PDZD7: variants seen among roughly 807,000 people sequenced by gnomAD.
PDZD7 encodes PDZ domain containing 7, also known as PDZ domain-containing protein 7.
Under a neutral mutation model 84.7 loss-of-function variants are expected in PDZD7, and 72 were observed. The ratio of observed to expected loss-of-function variants is 0.85; its 90% CI spans 0.70 to 1.03. The LOEUF is 1.03. Among genes scored for constraint, PDZD7 ranks in the 50% least tolerant of loss-of-function variants. The pLI is 0.00. For missense variants in PDZD7, 1,490 were observed against 1,412.9 expected (o/e 1.05, Z -0.87); for synonymous variants, 594 against 580.7 (o/e 1.02, Z -0.33).
chr10:101,015,687 C>T lies in PDZD7; in HGVS notation c.1698G>A (p.Gln566=). 2 of 1,550,482 alleles carry T rather than the reference C, an allele frequency of 1.3e-6. No individual in the cohort carries two copies. Among genetic ancestry groups the T allele is most frequent in the Non-Finnish European group, 1.7e-6 (2 of 1,146,970 alleles). Residue 566 remains glutamine (Q), a synonymous_variant, in exon 11 of 17, where the codon CAG becomes CAA. Coordinates refer to ENST00000619208, the MANE Select transcript of PDZD7 (RefSeq NM_001195263.2). ...SRRPLIQDLA[Q]RLLTDDEVLA... ...GCACCTCGTCATCAGTCAGCAGCCT[C>T]TGGGCCAGGTCCTGAATGAGGGGCC... is the stretch of plus-strand genomic sequence containing the variant.
In PDZD7 at chr10:101,010,801, C is replaced by T; in HGVS notation, c.2088G>A (p.Gly696=). Residue 696 remains glycine, a synonymous_variant, in exon 15 of 17, where the codon GGG becomes GGA. Coordinates refer to ENST00000619208, the MANE Select transcript of PDZD7 (RefSeq NM_001195263.2). The part of the protein sequence containing the change: ...EDNGELRERL[G]ALKVSPSASA... ...AGGCACTTGGGGAGACCTTGAGGGC[C>T]CCCAGCCGCTCCCTCAGCTCCCCAT... is the stretch of plus-strand genomic sequence containing the variant. 1 of 1,535,442 alleles carries T rather than the reference C, an allele frequency of 6.5e-7. No individual in the cohort carries two copies. Among genetic ancestry groups the T allele is most frequent in the Non-Finnish European group, 8.7e-7 (1 of 1,146,880 alleles).
In PDZD7 at chr10:101,018,304, C is replaced by CA. The variant is rs774960618; in HGVS notation, c.1325-9dup. The CA allele has an allele frequency of 6.2e-7, 1 of 1,613,144 alleles. No homozygotes were observed. The highest frequency in any genetic ancestry group is 1.1e-5 in the South Asian group (1 of 91,046). Reference sequence around the variant, plus strand: ...TCCGCTGCTGCTTCTCCTCTGCAGACACGAGGGAGCAACGGGGGAGCTGGA... The same window carrying CA: ...TCCGCTGCTGCTTCTCCTCTGCAGACAACGAGGGAGCAACGGGGGAGCTGGA... On this transcript the variant is annotated splice_polypyrimidine_tract_variant and intron_variant, in intron 8 of 16. Transcript: ENST00000619208.
At chr10:101,017,842 A>G (rs868438960) in intron 9 of PDZD7, 112 of 273,138 alleles carry the variant, frequency 4.1e-4, no homozygotes, top group African/African-American at 4.1e-3. Context: ...AAGGAAGGAA[A>G]GAAAGAAAGA....
chr10:101,019,996 A>C (rs988565492), intron 7 of PDZD7, among the ~76,000 whole-genome samples: 1 of 147,104 alleles, frequency 6.8e-6, no homozygotes, highest in African/African-American at 2.5e-5. Flanking sequence ...TCACAGCTCC[A>C]CAGCTCACCA....
At chr10:101,017,892 A>AAAG (rs71013483) in intron 9 of PDZD7, 5,231 of 140,788 alleles carry the variant, frequency 0.037, 157 homozygotes, top group East Asian at 0.097. Context: ...AGAAAGAAAG[A>AAAG]AAAGAAAGAA....
In PDZD7 at chr10:101,007,918, A is replaced by G. The variant is rs915115440; in HGVS notation, c.*549T>C. On this transcript the variant is annotated 3_prime_UTR_variant, in exon 17 of 17. Coordinates refer to ENST00000619208, the MANE Select transcript of PDZD7 (RefSeq NM_001195263.2). ...TTTGCTGGCTATTCTCCTCCCCCTC[A>G]TAGAGCTCTCTTGGGGAGAAAAGGT... 1.1e-5 allele frequency: 1 copy of G among 90,076 alleles called. No individual in the cohort carries two copies. The highest frequency in any genetic ancestry group is 4.4e-4 in the South Asian group (1 of 2,258). 5.6% of individuals were successfully genotyped at this position (90,076 alleles called of 1,614,324 possible). A position where few individuals can be genotyped will look rare whatever the true frequency, so the allele number is the denominator to read the frequency against.
intron 7 of PDZD7, 98 bp downstream of exon 7, chr10:101,020,519 TA>T: frequency 1.7e-6 from 2 of 1,159,018 alleles, no homozygotes; most frequent in Non-Finnish European, 2.6e-6. Flanking sequence ...ATTACAGGTG[TA>T]AGCCACCAAG....
chr10:101,025,704 C>T (rs907538902), intron 2 of PDZD7, among the ~76,000 whole-genome samples: 24 of 151,050 alleles, frequency 1.6e-4, no homozygotes, highest in Non-Finnish European at 2.7e-4. Flanking sequence ...CCCACCACCA[C>T]GCCCGGCTAA....
chr10:101,018,306 C>A lies in PDZD7; in HGVS notation c.1325-10G>T. 2.5e-6 allele frequency: 4 copies of A among 1,612,782 alleles called. No individual in the cohort carries two copies. Among genetic ancestry groups the A allele is most frequent in the South Asian group, 1.1e-5 (1 of 91,022 alleles). ...CGCTGCTGCTTCTCCTCTGCAGACA[C>A]GAGGGAGCAACGGGGGAGCTGGAGG... On this transcript the variant is annotated splice_polypyrimidine_tract_variant and intron_variant, in intron 8 of 16. Coordinates refer to ENST00000619208, the MANE Select transcript of PDZD7 (RefSeq NM_001195263.2).
At chr10:101,029,534 G>T (rs1937936101) in intron 2 of PDZD7, among the ~76,000 whole-genome samples, 1 of 152,134 alleles carries the variant, frequency 6.6e-6, no homozygotes, top group African/African-American at 2.4e-5. Context: ...CCTGAATTCT[G>T]TCTACCCGCT....
intron 4 of PDZD7, chr10:101,023,064 G>A (rs1422370528): frequency 3.8e-6 from 1 of 260,432 alleles, no homozygotes; most frequent in Non-Finnish European, 7.0e-6. Flanking sequence ...GAGCCACCAT[G>A]CCCGGCTTTT....
chr10:101,011,066 A>G, intron 14 of PDZD7, 183 bp from the exon 15 acceptor site: 1 of 515,484 alleles, frequency 1.9e-6, no homozygotes. Flanking sequence ...TATTTATTTG[A>G]GATGGAATCT....
chr10:101,011,536 A>G (rs1852392628), intron 14 of PDZD7, 154 bp downstream of exon 14: 1 of 1,440,470 alleles, frequency 6.9e-7, no homozygotes, highest in South Asian at 1.5e-5. Flanking sequence ...ATGTGATAAA[A>G]TGGCTCTGGT....
chr10:101,010,825 A>G lies in PDZD7; in HGVS notation c.2064T>C (p.Asn688=), dbSNP rs1018353375. The part of the protein sequence containing the change: ...PVNGFPEEED[N]GELRERLGAL... ...CCCCCAGCCGCTCCCTCAGCTCCCC[A>G]TTATCTTCCTCTTCCGGGAAGCCGT... is the stretch of plus-strand genomic sequence containing the variant. The change falls in exon 15 of 17, where the codon AAT becomes AAC. Residue 688 remains asparagine (N), a synonymous_variant. Transcript: ENST00000619208. 6.5e-7 allele frequency: 1 copy of G among 1,535,228 alleles called. No individual in the cohort carries two copies.
At chr10:101,019,314 T>A in intron 7 of PDZD7, 97 bp from the exon 8 acceptor site, 1 of 1,467,164 alleles carries the variant, frequency 6.8e-7, no homozygotes, top group Non-Finnish European at 9.1e-7. Flanking sequence ...GGAGGCAAGG[T>A]CAGGCAGCAG....
At chr10:101,021,646 C>T (rs1853104175) in intron 6 of PDZD7, 152 bp downstream of exon 6, 1 of 1,262,454 alleles carries the variant, frequency 7.9e-7, no homozygotes, top group Non-Finnish European at 1.1e-6. Flanking sequence ...AAACCTGTTT[C>T]TTCTTCTTCA....
chr10:101,017,847 G>GAAAGAA, intron 9 of PDZD7: 1 of 309,304 alleles, frequency 3.2e-6, no homozygotes, highest in Non-Finnish European at 5.4e-6. Context: ...AGGAAAGAAA[G>GAAAGAA]AAAGAAAGAA....
intron 11 of PDZD7, among the ~76,000 whole-genome samples, chr10:101,014,100 C>A (rs1413461092): frequency 6.6e-6 from 1 of 151,426 alleles, no homozygotes; most frequent in Admixed American, 6.6e-5. Flanking sequence ...TACAGGTGAT[C>A]CGCTCACCTC....
chr10:101,019,577 C>CTCT (rs1334108537), intron 7 of PDZD7, among the ~76,000 whole-genome samples: 2 of 112,622 alleles, frequency 1.8e-5, no homozygotes, highest in African/African-American at 9.8e-5. Context: ...CCTCCTCCTC[C>CTCT]TCCTCCTCCT....
Sources: allele counts gnomAD v4.1 joint callset (sites outside exome capture counted in the v4.1 genomes callset), GRCh38; gene constraint gnomAD v4.1.1; transcripts MANE v1.5; gene names NCBI Gene and HGNC (gene_info 2026-07-23, HGNC 2026-07-21).